Variants in GOLGA5 observed in about 807,000 individuals in gnomAD.
The protein encoded by GOLGA5 is golgin A5.
Under a neutral mutation model 93.5 loss-of-function variants are expected in GOLGA5, and 50 were observed. That is an observed-to-expected ratio of 0.53 (90% CI 0.43 to 0.68). The LOEUF (loss-of-function observed/expected upper bound fraction) is 0.68, where lower values mean the gene tolerates loss of function less well. Among genes scored for constraint, GOLGA5 ranks in the 30% least tolerant of loss-of-function variants. GOLGA5 has a pLI of 0.00. For synonymous variants in GOLGA5, 312 were observed against 304.5 expected, an observed-to-expected ratio of 1.02 and a Z score of -0.26; for missense variants, 760 against 856.4, an observed-to-expected ratio of 0.89 and a Z score of 1.40.
chr14:92,815,641 G>A lies in GOLGA5; in HGVS notation c.1321-610G>A, dbSNP rs536237159. Among the ~76,000 whole-genome samples the A allele has an allele frequency of 4.0e-4, 60 of 151,740 alleles. 1 individual carries two copies. Among genetic ancestry groups the A allele is most frequent in the South Asian group, 1.0e-3 (5 of 4,790 alleles). On this transcript the variant is annotated intron_variant, in intron 6 of 12. Coordinates refer to ENST00000163416, the MANE Select transcript of GOLGA5 (RefSeq NM_005113.4). The stretch of plus-strand genomic sequence containing the variant: ...TCCTGGAGGCCAGGAGTTCAAGACC[G>A]GCCTGGGCAACATAGCAAGACCGTA...
intron 6 of GOLGA5, among the ~76,000 whole-genome samples, chr14:92,813,251 A>T (rs1885138870): frequency 6.6e-6 from 1 of 152,118 alleles, no homozygotes; most frequent in South Asian, 2.1e-4. Context: ...TGAGCACCTA[A>T]CTACTCACTA....
At chr14:92,837,965 A>C (rs2047539518) in intron 12 of GOLGA5, among the ~76,000 whole-genome samples, 1 of 152,224 alleles carries the variant, frequency 6.6e-6, no homozygotes, top group African/African-American at 2.4e-5. Context: ...AAATTCCTCA[A>C]AGGCTTTTCC....
chr14:92,811,617 C>G lies in GOLGA5; in HGVS notation c.1183C>G (p.Leu395Val), dbSNP rs543664165. ...ERQNLAEAITLAERKYSDEKK... is the reference protein window; with the variant it reads ...ERQNLAEAITVAERKYSDEKK... Reference sequence around the variant, plus strand: ...TCAGAATTTAGCAGAAGCAATTACACTGGCCGAAAGAAAATACTCAGATGA... The same window carrying G: ...TCAGAATTTAGCAGAAGCAATTACAGTGGCCGAAAGAAAATACTCAGATGA... Residue 395 changes from leucine (L) to valine (V), a missense_variant, in exon 6 of 13, where the codon CTG becomes GTG. Coordinates refer to ENST00000163416, the MANE Select transcript of GOLGA5 (RefSeq NM_005113.4). 5.4e-5 allele frequency: 87 copies of G among 1,612,806 alleles called. No homozygotes were observed. Among genetic ancestry groups the G allele is most frequent in the Non-Finnish European group, 6.8e-5 (80 of 1,179,054 alleles).
chr14:92,821,302 T>C (rs1004702498), intron 8 of GOLGA5, among the ~76,000 whole-genome samples: 1 of 152,200 alleles, frequency 6.6e-6, no homozygotes, highest in Non-Finnish European at 1.5e-5. Context: ...AAAAGTCTTA[T>C]ACAGACTCTT....
rs755482646 is a variant in GOLGA5 at position 92,806,880 on chromosome 14, A to C, written c.689A>C (p.Glu230Ala). Reference protein sequence around the residue: ...KSHELSNLRLENQLLRNEVQS... With the variant: ...KSHELSNLRLANQLLRNEVQS... ...CATGAACTGTCTAACCTTCGACTGG[A>C]GAATCAGCTGCTGAGGAATGAAGTT... Residue 230 changes from glutamate (E) to alanine (A), a missense_variant, in exon 3 of 13, where the codon GAG (glutamate) becomes GCG (alanine). Physicochemically the swap from Glu to Ala is moderately radical, Grantham distance 107. Coordinates refer to ENST00000163416, the MANE Select transcript of GOLGA5 (RefSeq NM_005113.4). 1 of 1,613,950 alleles carries C rather than the reference A, an allele frequency of 6.2e-7. No homozygotes were observed. The highest frequency in any genetic ancestry group is 8.5e-7 in the Non-Finnish European group (1 of 1,179,774).
At chr14:92,824,480 T>G in intron 8 of GOLGA5, 66 bp from the exon 9 acceptor site, 2 of 752,712 alleles carry the variant, frequency 2.7e-6, no homozygotes, top group Admixed American at 4.4e-5. Context: ...GGCACTGATT[T>G]AGGTACTGAG....
chr14:92,804,619 A>C lies in GOLGA5; in HGVS notation c.545-2117A>C, dbSNP rs931456063. On this transcript the variant is annotated intron_variant, in intron 2 of 12. Coordinates refer to ENST00000163416, the MANE Select transcript of GOLGA5 (RefSeq NM_005113.4). ...AAAAATACTCTAAAAGCAAATGTTC[A>C]CACCATTATCACCTTAAAAATGTAA... 1.6e-4 allele frequency among the ~76,000 whole-genome samples: 25 copies of C among 151,602 alleles called. No homozygotes were observed. In the South Asian group the frequency reaches 5.0e-3, roughly 30 times the overall value.
At chr14:92,821,502 T>C (rs1486381547) in intron 8 of GOLGA5, among the ~76,000 whole-genome samples, 3 of 152,162 alleles carry the variant, frequency 2.0e-5, no homozygotes, top group African/African-American at 7.2e-5. Context: ...GTGACAACAT[T>C]GTTATAGGCA....
intron 8 of GOLGA5, among the ~76,000 whole-genome samples, chr14:92,820,752 C>G (rs1249848681): frequency 6.6e-6 from 1 of 152,180 alleles, no homozygotes; most frequent in Non-Finnish European, 1.5e-5. Flanking sequence ...AGCACACTGC[C>G]TGTAAACATT....
At chr14:92,813,853 T>A (rs1204827170) in intron 6 of GOLGA5, among the ~76,000 whole-genome samples, 2 of 152,018 alleles carry the variant, frequency 1.3e-5, no homozygotes, top group Non-Finnish European at 2.9e-5. Context: ...ATCAAAGTTT[T>A]TGGCAGTGAG....
Position 92,795,277 on chromosome 14 carries a change from A to G in GOLGA5, c.-31+821A>G, listed in dbSNP as rs184983275. Among the ~76,000 whole-genome samples, 467 of 152,246 alleles carry G rather than the reference A, an allele frequency of 3.1e-3. 5 individuals carry two copies. Among genetic ancestry groups the G allele is most frequent in the Admixed American group, 0.013 (202 of 15,294 alleles). Reference sequence around the variant, plus strand: ...GTATGTTACAGAGCATTTCATCTCCATTTTCATTTGATTTTTTATAAACTC... The same window carrying G: ...GTATGTTACAGAGCATTTCATCTCCGTTTTCATTTGATTTTTTATAAACTC... On this transcript the variant is annotated intron_variant, in intron 1 of 12. Coordinates refer to ENST00000163416, the MANE Select transcript of GOLGA5 (RefSeq NM_005113.4).
At chr14:92,828,285 C>T (rs148009997) in intron 9 of GOLGA5, among the ~76,000 whole-genome samples, 14 of 152,286 alleles carry the variant, frequency 9.2e-5, no homozygotes, top group Non-Finnish European at 1.8e-4. Flanking sequence ...TAAGTTAAAG[C>T]CAGTGCTCAT....
intron 7 of GOLGA5, among the ~76,000 whole-genome samples, chr14:92,816,789 GC>G (rs1885217989): frequency 6.6e-6 from 1 of 152,150 alleles, no homozygotes. Flanking sequence ...CAAACTCCTG[GC>G]CTCAAGTGAT....
intron 8 of GOLGA5, among the ~76,000 whole-genome samples, 179 bp from the exon 9 acceptor site, chr14:92,824,367 T>C (rs1885372535): frequency 6.6e-6 from 1 of 152,226 alleles, no homozygotes; most frequent in Non-Finnish European, 1.5e-5. Context: ...GACCCATCTG[T>C]TATTCACTTA....
In GOLGA5 at chr14:92,806,850, A is replaced by C. The variant is rs1279106710; in HGVS notation, c.659A>C (p.Lys220Thr). ...DHTPTPNDDG[K>T]SHELSNLRLE... ...ACCCCAACACCTAATGATGATGGCA[A>C]ATCACATGAACTGTCTAACCTTCGA... The change falls in exon 3 of 13, where the codon AAA (lysine) becomes ACA (threonine). Residue 220 changes from lysine (K) to threonine (T), a missense_variant. Physicochemically the swap from Lys to Thr is moderately conservative, Grantham distance 78. Coordinates refer to ENST00000163416, the MANE Select transcript of GOLGA5 (RefSeq NM_005113.4). The C allele has an allele frequency of 4.9e-5, 79 of 1,613,414 alleles. No homozygotes were observed. The highest frequency in any genetic ancestry group is 6.5e-5 in the Non-Finnish European group (77 of 1,179,440).
intron 8 of GOLGA5, among the ~76,000 whole-genome samples, chr14:92,820,083 C>G (rs753267346): frequency 2.0e-5 from 3 of 152,154 alleles, no homozygotes; most frequent in African/African-American, 7.2e-5. Context: ...AGAGAAAGAA[C>G]AGTGGGCCCA....
intron 1 of GOLGA5, among the ~76,000 whole-genome samples, chr14:92,796,603 G>T (rs1284783200): frequency 6.6e-6 from 1 of 152,074 alleles, no homozygotes; most frequent in Non-Finnish European, 1.5e-5. Flanking sequence ...ACATTCTGAG[G>T]TCTGGGGGTT....
chr14:92,834,775 C>T (rs1885605462), intron 10 of GOLGA5, among the ~76,000 whole-genome samples: 1 of 152,160 alleles, frequency 6.6e-6, no homozygotes, highest in South Asian at 2.1e-4. Flanking sequence ...TAATAGGCTG[C>T]CTCTGACTGC....
chr14:92,799,075 C>T (rs1884803340), intron 2 of GOLGA5, among the ~76,000 whole-genome samples: 1 of 152,110 alleles, frequency 6.6e-6, no homozygotes, highest in African/African-American at 2.4e-5. Flanking sequence ...TCAAGCGATC[C>T]TCCTGCCTCA....
Sources: allele counts gnomAD v4.1 joint callset (sites outside exome capture counted in the v4.1 genomes callset), GRCh38; gene constraint gnomAD v4.1.1; transcripts MANE v1.5; gene names NCBI Gene and HGNC (gene_info 2026-07-23, HGNC 2026-07-21).